Variants in FBN3 observed in about 807,000 individuals in gnomAD.
The protein encoded by FBN3 is fibrillin-3.
A neutral mutation model predicts 330.1 loss-of-function variants in FBN3; 234 were observed. That is an observed-to-expected ratio of 0.71 (90% CI 0.64 to 0.79). The LOEUF (loss-of-function observed/expected upper bound fraction) is 0.79. Among genes scored for constraint, FBN3 ranks in the 30% least tolerant of loss-of-function variants. FBN3 has a pLI of 0.00. For missense variants in FBN3, 3,606 were observed against 3,886.9 expected (o/e 0.93, Z 1.92); for synonymous variants, 1,458 against 1,517.3 (o/e 0.96, Z 0.91).
At chr19:8,084,094 G>A (rs1225728286) in intron 56 of FBN3, among the ~76,000 whole-genome samples, 3 of 150,882 alleles carry the variant, frequency 2.0e-5, no homozygotes, top group Non-Finnish European at 1.5e-5. Context: ...GAGCCACCGC[G>A]GCCCTCCCCA....
intron 61 of FBN3, 88 bp downstream of exon 61, chr19:8,074,983 A>T (rs997474529): frequency 7.3e-6 from 11 of 1,501,100 alleles, no homozygotes; most frequent in Admixed American, 4.4e-5. Flanking sequence ...TGCTTGTCAC[A>T]TCATCTTGCA....
At chr19:8,120,479 TCC>T (rs1228870778) in intron 25 of FBN3, among the ~76,000 whole-genome samples, 1 of 88,702 alleles carries the variant, frequency 1.1e-5, no homozygotes, top group Non-Finnish European at 2.8e-5. Flanking sequence ...TTTTTCCTCT[TCC>T]TTCCTTCCTT....
chr19:8,123,929 G>C lies in FBN3; in HGVS notation c.2811C>G (p.Asp937Glu). ...GVTLPGKYRMDVCCCSIGAVW... is the reference protein window; with the variant it reads ...GVTLPGKYRMEVCCCSIGAVW... ...CGGCCCCGATGGAGCAGCAGCAGAC[G>C]TCCATCCGGTACTTGCCAGGCAGGG... is the stretch of plus-strand genomic sequence containing the variant. Residue 937 changes from aspartate (D) to glutamate (E), a missense_variant, in exon 23 of 64, where the codon GAC becomes GAG. By Grantham distance (45) the Asp-to-Glu change is conservative. Transcript: ENST00000600128. The C allele has an allele frequency of 1.2e-6, 2 of 1,614,060 alleles. No individual in the cohort carries two copies. Among genetic ancestry groups the C allele is most frequent in the Non-Finnish European group, 1.7e-6 (2 of 1,180,006 alleles).
In FBN3 at chr19:8,131,447, G is replaced by T; in HGVS notation, c.1990+107C>A. On this transcript the variant is annotated intron_variant, in intron 15 of 63. Transcript: ENST00000600128. The surrounding 1 kb of genome is among the most constrained non-coding windows in gnomAD (Gnocchi z 4.5). ...GAGCAACTCCCTTCAGCCTCTTTTT[G>T]GGAAGAGCCCCCACTCCATGGCAGC... 1 of 1,484,506 alleles carries T rather than the reference G, an allele frequency of 6.7e-7. No individual in the cohort carries two copies. The highest frequency in any genetic ancestry group is 1.3e-5 in the South Asian group (1 of 78,486). The allele number at this position is 1,484,506 out of a possible 1,614,324, so 92.0% of individuals were successfully genotyped here.
At position 8,095,507 on chromosome 19, in the gene FBN3, T is replaced by C. The variant is rs1201539277; in HGVS notation, c.5657-4A>G. ...AGGGTAGTACACTCATCAAAATCTG[T>C]AGAGGGGAGATGGGCAGGCCAGTTC... On this transcript the variant is annotated splice_polypyrimidine_tract_variant and splice_region_variant and intron_variant, in intron 45 of 63. Coordinates refer to ENST00000600128, the MANE Select transcript of FBN3 (RefSeq NM_032447.5). 1 of 1,612,624 alleles carries C rather than the reference T, an allele frequency of 6.2e-7. No homozygotes were observed. Among genetic ancestry groups the C allele is most frequent in the Non-Finnish European group, 8.5e-7 (1 of 1,179,164 alleles).
intron 24 of FBN3, among the ~76,000 whole-genome samples, chr19:8,122,553 G>C (rs1014517818): frequency 6.6e-6 from 1 of 151,708 alleles, no homozygotes; most frequent in South Asian, 2.1e-4. Flanking sequence ...CTTTAGTAGA[G>C]ACGGGGTATT....
At chr19:8,077,179 C>T (rs1230379718) in intron 59 of FBN3, among the ~76,000 whole-genome samples, 1 of 152,192 alleles carries the variant, frequency 6.6e-6, no homozygotes, top group East Asian at 1.9e-4. Flanking sequence ...GGCATTGGTA[C>T]AATGGCCAGA....
chr19:8,135,450 T>G (rs186384335), intron 13 of FBN3, among the ~76,000 whole-genome samples: 248 of 151,370 alleles, frequency 1.6e-3, no homozygotes, highest in Middle Eastern at 3.4e-3. Context: ...GCTAATTTTT[T>G]TGTATTTAGT....
chr19:8,130,758 C>G (rs2083127359), intron 16 of FBN3, among the ~76,000 whole-genome samples: 1 of 150,934 alleles, frequency 6.6e-6, no homozygotes, highest in African/African-American at 2.4e-5. Context: ...GTCCCAGCTA[C>G]TCAGGTGGTA....
intron 36 of FBN3, among the ~76,000 whole-genome samples, 155 bp from the exon 37 acceptor site, chr19:8,108,393 G>A (rs1475467220): frequency 6.6e-6 from 1 of 152,090 alleles, no homozygotes; most frequent in Non-Finnish European, 1.5e-5. Context: ...AGCCTCTTGG[G>A]GCCAAGAGAC....
chr19:8,126,083 T>C, intron 21 of FBN3, 66 bp from the exon 22 acceptor site: 1 of 1,605,898 alleles, frequency 6.2e-7, no homozygotes, highest in Non-Finnish European at 8.5e-7. Flanking sequence ...GCCATTCCCC[T>C]GGGGTCTCAA....
chr19:8,128,907 G>T, intron 18 of FBN3, 121 bp downstream of exon 18: 1 of 1,210,546 alleles, frequency 8.3e-7, no homozygotes, highest in Non-Finnish European at 1.2e-6. Flanking sequence ...ATGCGTGTGT[G>T]AATAGAGGTA....
intron 38 of FBN3, among the ~76,000 whole-genome samples, chr19:8,105,609 G>T (rs957352985): frequency 6.6e-6 from 1 of 152,038 alleles, no homozygotes; most frequent in Admixed American, 6.6e-5. Context: ...TCTTCTTTTG[G>T]TTTTTTCAAC....
Position 8,066,194 on chromosome 19 carries a change from G to C in FBN3, c.8155C>G (p.Arg2719Gly). ...TLGLNLSHLG[R>G]AERILELRPA... ...CGGAGCTCCAGGATGCGCTCGGCCC[G>C]GCCCAGGTGTGAGAGGTTCAGGCCC... is the stretch of plus-strand genomic sequence containing the variant. Residue 2719 changes from arginine to glycine, a missense_variant, in exon 64 of 64, where the codon CGG (arginine) becomes GGG (glycine). Transcript: ENST00000600128. The C allele has an allele frequency of 1.9e-6, 3 of 1,609,870 alleles. No individual in the cohort carries two copies. The highest frequency in any genetic ancestry group is 2.5e-6 in the Non-Finnish European group (3 of 1,177,688).
Position 8,131,428 on chromosome 19 carries a change from C to A in FBN3, c.1990+126G>T. On this transcript the variant is annotated intron_variant, in intron 15 of 63. Transcript: ENST00000600128. The surrounding 1 kb of genome is among the most constrained non-coding windows in gnomAD (Gnocchi z 4.5). ...AACTCCAACCCCGGGGAGGGAGCAA[C>A]TCCCTTCAGCCTCTTTTTGGGAAGA... The A allele has an allele frequency of 6.8e-7, 1 of 1,462,074 alleles. No homozygotes were observed. Among genetic ancestry groups the A allele is most frequent in the Non-Finnish European group, 9.4e-7 (1 of 1,067,466 alleles). 90.6% of individuals were successfully genotyped at this position (1,462,074 alleles called of 1,614,324 possible).
Position 8,075,076 on chromosome 19 carries a change from C to G in FBN3, c.7697G>C (p.Cys2566Ser). ...TCCCAGCCCTTTTCACTCACCCACA[C>G]ACTGGGCCCACTGGGAGTGCTGGGT... is the stretch of plus-strand genomic sequence containing the variant. ...GFTQHSQWAQ[C>S]VDENECALSP... The change falls in exon 61 of 64, where the codon TGT (cysteine) becomes TCT (serine). Residue 2566 changes from cysteine (C) to serine (S), a missense_variant. By Grantham distance (112) the Cys-to-Ser change is moderately radical (BLOSUM62 -1). Coordinates refer to ENST00000600128, the MANE Select transcript of FBN3 (RefSeq NM_032447.5). The G allele has an allele frequency of 6.2e-7, 1 of 1,602,672 alleles. No individual in the cohort carries two copies.
rs1164698302 is a variant in FBN3 at position 8,121,974 on chromosome 19, C to T, written c.3083-588G>A. ...ATGTTGGCCAGGCTGGTCTCAAACT[C>T]CTGACCTAAAGCAGTCCACCCGCCT... On this transcript the variant is annotated intron_variant, in intron 24 of 63. Transcript: ENST00000600128. This position sits in a 1 kb window ranked among gnomAD's most constrained non-coding sequence, Gnocchi z 4.5. Among the ~76,000 whole-genome samples, 1 of 151,910 alleles carries T rather than the reference C, an allele frequency of 6.6e-6. No homozygotes were observed. Among genetic ancestry groups the T allele is most frequent in the East Asian group, 1.9e-4 (1 of 5,154 alleles).
intron 47 of FBN3, among the ~76,000 whole-genome samples, chr19:8,094,037 G>A (rs1023660548): frequency 1.3e-5 from 2 of 152,158 alleles, no homozygotes; most frequent in African/African-American, 4.8e-5. Context: ...TCTGAGGCTA[G>A]TCCAAGTGGA....
intron 55 of FBN3, among the ~76,000 whole-genome samples, 195 bp downstream of exon 55, chr19:8,086,002 TGGG>T: frequency 1.5e-5 from 1 of 65,508 alleles, no homozygotes; most frequent in East Asian, 3.1e-4. Context: ...GGACAGGCAG[TGGG>T]GGGACAGGCA....
Sources: allele counts gnomAD v4.1 joint callset (sites outside exome capture counted in the v4.1 genomes callset), GRCh38; gene constraint gnomAD v4.1.1; non-coding constraint Gnocchi (gnomAD v3.1); transcripts MANE v1.5; gene names NCBI Gene and HGNC (gene_info 2026-07-23, HGNC 2026-07-21).